The following RFX3 variants were observed in gnomAD, a reference collection of about 807,000 sequenced individuals.
The protein encoded by RFX3 is transcription factor RFX3.
RFX3 carries 14 observed loss-of-function variants against 98.6 expected under a neutral mutation model. The observed-to-expected ratio is 0.14, with a 90% CI of 0.09 to 0.22. The LOEUF is 0.22. Among genes scored for constraint, RFX3 ranks in the 10% least tolerant of loss-of-function variants. RFX3 has a pLI of 1.00. For synonymous variants in RFX3, 383 were observed against 328.4 expected, an observed-to-expected ratio of 1.17 and a Z score of -1.80; for missense variants, 639 against 926.9, an observed-to-expected ratio of 0.69 and a Z score of 4.03.
At position 3,483,920 on chromosome 9, in the gene RFX3, G is replaced by C. The variant is rs527476501; in HGVS notation, c.-9+41827C>G. Among the ~76,000 whole-genome samples the C allele has an allele frequency of 5.9e-5, 9 of 152,122 alleles. No individual in the cohort carries two copies. In the East Asian group the frequency reaches 1.7e-3, roughly 29 times the overall value. ...CTACAAAAATGGAGTAACGAAACAA[G>C]TTCACCACCCCCTACTCTAAATCTA... is the stretch of plus-strand genomic sequence containing the variant. On this transcript the variant is annotated intron_variant, in intron 1 of 16. Coordinates refer to ENST00000617270, the MANE Select transcript of RFX3 (RefSeq NM_001282116.2).
intron 4 of RFX3, among the ~76,000 whole-genome samples, chr9:3,310,071 T>C (rs1025616684): frequency 6.6e-6 from 1 of 152,312 alleles, no homozygotes; most frequent in African/African-American, 2.4e-5. Context: ...CAGTAAAACC[T>C]ATGCCACTTG....
intron 1 of RFX3, among the ~76,000 whole-genome samples, chr9:3,481,923 A>C (rs1417889498): frequency 2.0e-5 from 3 of 152,198 alleles, no homozygotes; most frequent in Non-Finnish European, 4.4e-5. Context: ...AAGAAACAAA[A>C]CATTAAAGCA....
At chr9:3,433,430 T>C (rs1254196535) in intron 1 of RFX3, among the ~76,000 whole-genome samples, 2 of 152,214 alleles carry the variant, frequency 1.3e-5, no homozygotes, top group East Asian at 3.8e-4. Flanking sequence ...CATTTTCTTC[T>C]CTCTAGCTTA....
At chr9:3,419,661 T>C (rs1340070606) in intron 1 of RFX3, among the ~76,000 whole-genome samples, 1 of 152,224 alleles carries the variant, frequency 6.6e-6, no homozygotes, top group Non-Finnish European at 1.5e-5. Flanking sequence ...CTGCAGGGTA[T>C]TGCTTCCAGG....
intron 1 of RFX3, among the ~76,000 whole-genome samples, chr9:3,431,915 T>G (rs961505117): frequency 3.3e-5 from 5 of 151,996 alleles, no homozygotes; most frequent in African/African-American, 1.2e-4. Context: ...CACATATGAG[T>G]AAGGAAGAGA....
rs947975373 is a variant in RFX3, at chr9:3,336,011, G to A, written c.216-5494C>T. 5.3e-5 allele frequency among the ~76,000 whole-genome samples: 8 copies of A among 152,050 alleles called. No individual in the cohort carries two copies. The South Asian group carries it at 1.2e-3, about 24-fold the overall frequency. The stretch of plus-strand genomic sequence containing the variant: ...TCTTATCCACAATTCCAGATACTCA[G>A]TATCTCTAAATTCTTTATTTTGTAT... On this transcript the variant is annotated intron_variant, in intron 3 of 16. Transcript: ENST00000617270.
chr9:3,382,305 T>C (rs1283761714), intron 2 of RFX3, among the ~76,000 whole-genome samples: 2 of 152,226 alleles, frequency 1.3e-5, no homozygotes, highest in Non-Finnish European at 2.9e-5. Context: ...TGAAAAGTTG[T>C]ACCTTTGTAT....
intron 9 of RFX3, among the ~76,000 whole-genome samples, chr9:3,273,026 A>G (rs16916373): frequency 0.049 from 7,522 of 152,290 alleles, 540 homozygotes; most frequent in African/African-American, 0.16. Context: ...AAAGACATTC[A>G]TATCAGCTTC....
intron 1 of RFX3, among the ~76,000 whole-genome samples, chr9:3,440,850 A>G (rs1845548747): frequency 6.6e-6 from 1 of 152,206 alleles, no homozygotes; most frequent in South Asian, 2.1e-4. Context: ...TAAGTGTGCA[A>G]TAACTAAGAC....
intron 12 of RFX3, among the ~76,000 whole-genome samples, chr9:3,265,088 C>A (rs1347424321): frequency 6.7e-6 from 1 of 148,174 alleles, no homozygotes; most frequent in Non-Finnish European, 1.5e-5. Context: ...CTACATATGC[C>A]AAAGAGAACT....
rs1172473066 is a variant in RFX3 at position 3,221,912 on chromosome 9, T to G, written c.*3130A>C. 6.6e-6 allele frequency: 1 copy of G among 152,168 alleles called. No individual in the cohort carries two copies. Among genetic ancestry groups the G allele is most frequent in the East Asian group, 1.9e-4 (1 of 5,196 alleles). The allele number at this position is 152,168 out of a possible 1,614,324, so 9.4% of individuals were successfully genotyped here. ...TTATGTAGGTATATTTCATGACTAG[T>G]GATTGGTTATAATTGCAAGAAATAC... On this transcript the variant is annotated 3_prime_UTR_variant, in exon 17 of 17. Transcript: ENST00000617270.
intron 1 of RFX3, among the ~76,000 whole-genome samples, chr9:3,418,670 G>A (rs543583523): frequency 6.6e-6 from 1 of 152,244 alleles, no homozygotes; most frequent in Non-Finnish European, 1.5e-5. Flanking sequence ...GTGAGCCTCT[G>A]TGCCCGGCCA....
chr9:3,313,925 T>C (rs757562000), intron 4 of RFX3, among the ~76,000 whole-genome samples: 1 of 152,134 alleles, frequency 6.6e-6, no homozygotes, highest in Non-Finnish European at 1.5e-5. Context: ...ATGGGGAGAA[T>C]GGAACCAAGT....
chr9:3,318,132 T>A (rs1312437081), intron 4 of RFX3, among the ~76,000 whole-genome samples: 1 of 152,176 alleles, frequency 6.6e-6, no homozygotes, highest in Non-Finnish European at 1.5e-5. Context: ...CAAATGTCCA[T>A]CAGTGATAGA....
At chr9:3,238,949 G>C (rs1320058154) in intron 15 of RFX3, among the ~76,000 whole-genome samples, 1 of 149,756 alleles carries the variant, frequency 6.7e-6, no homozygotes, top group Non-Finnish European at 1.5e-5. Flanking sequence ...AGTGAGCCGA[G>C]ATCACCATTG....
chr9:3,497,911 C>G (rs796609892), intron 1 of RFX3, among the ~76,000 whole-genome samples: 1 of 151,958 alleles, frequency 6.6e-6, no homozygotes, highest in Non-Finnish European at 1.5e-5. Context: ...AATTTCTGCT[C>G]TTTACTGTAA....
chr9:3,482,231 A>G (rs1849830757), intron 1 of RFX3, among the ~76,000 whole-genome samples: 1 of 141,704 alleles, frequency 7.1e-6, no homozygotes, highest in Non-Finnish European at 1.5e-5. Context: ...GTGTGAAAGT[A>G]AAAAAAAAAT....
chr9:3,516,076 T>C (rs980989353), intron 1 of RFX3, among the ~76,000 whole-genome samples: 10 of 151,368 alleles, frequency 6.6e-5, no homozygotes, highest in Non-Finnish European at 1.5e-4. Context: ...TGAGATGGAG[T>C]CTTGCTCTGT....
chr9:3,237,430 T>A (rs1351615449), intron 15 of RFX3, among the ~76,000 whole-genome samples: 1 of 152,206 alleles, frequency 6.6e-6, no homozygotes, highest in Non-Finnish European at 1.5e-5. Flanking sequence ...GTTTTATCAA[T>A]TTCAACTTTA....
Sources: gnomAD v4.1 joint callset for allele counts (sites outside exome capture counted in the v4.1 genomes callset) on GRCh38, gnomAD v4.1.1 for gene constraint, MANE v1.5 for transcripts, NCBI Gene and HGNC (gene_info 2026-07-23, HGNC 2026-07-21) for gene names.